PTPRR: variants seen among roughly 807,000 people sequenced by gnomAD.
PTPRR encodes receptor-type tyrosine-protein phosphatase R.
Under a neutral mutation model 77.2 loss-of-function variants are expected in PTPRR, and 38 were observed. That is an observed-to-expected ratio of 0.49 (90% CI 0.38 to 0.65). The LOEUF (loss-of-function observed/expected upper bound fraction) is 0.65. Among genes scored for constraint, PTPRR ranks in the 30% least tolerant of loss-of-function variants. The pLI is 0.00. For missense variants in PTPRR, 744 were observed against 799.2 expected, an observed-to-expected ratio of 0.93 and a Z score of 0.83; for synonymous variants, 299 against 283.1, an observed-to-expected ratio of 1.06 and a Z score of -0.57.
intron 2 of PTPRR, among the ~76,000 whole-genome samples, chr12:70,782,203 A>G (rs1387256450): frequency 6.6e-6 from 1 of 152,150 alleles, no homozygotes; most frequent in Non-Finnish European, 1.5e-5. Flanking sequence ...GCCTGAGCAC[A>G]GCTTAACAAA....
chr12:70,864,560 A>G (rs1391790221), intron 2 of PTPRR, among the ~76,000 whole-genome samples: 1 of 152,106 alleles, frequency 6.6e-6, no homozygotes, highest in Non-Finnish European at 1.5e-5. Flanking sequence ...TACCATCATC[A>G]CTATCAGAGT....
intron 2 of PTPRR, among the ~76,000 whole-genome samples, chr12:70,877,294 C>T (rs547396114): frequency 9.0e-4 from 137 of 152,266 alleles, no homozygotes; most frequent in African/African-American, 3.2e-3. Context: ...AAGCCCATTA[C>T]ACTTCTAAGA....
At position 70,684,718 on chromosome 12, in the gene PTPRR, C is replaced by T; in HGVS notation, c.1345G>A (p.Ala449Thr). ...TATTTACTTACCCTAATATAATTAG[C>T]ATTAATGTAGGTGCTCAATGAATCG... ...VTDSLSTYIN[A>T]NYIRGYSGKE... The change falls in exon 9 of 14, where the codon GCT (alanine) becomes ACT (threonine). Residue 449 changes from alanine (A) to threonine (T), a missense_variant. Physicochemically the swap from Ala to Thr is moderately conservative, Grantham distance 58 (BLOSUM62 0). Coordinates refer to ENST00000283228, the MANE Select transcript of PTPRR (RefSeq NM_002849.4). 6.3e-7 allele frequency: 1 copy of T among 1,595,302 alleles called. No homozygotes were observed. The highest frequency in any genetic ancestry group is 8.6e-7 in the Non-Finnish European group (1 of 1,165,570).
chr12:70,703,768 C>A (rs533294777), intron 6 of PTPRR, among the ~76,000 whole-genome samples: 2 of 152,270 alleles, frequency 1.3e-5, no homozygotes, highest in Admixed American at 6.5e-5. Flanking sequence ...CCATGCCATT[C>A]AGTCAAATTT....
At chr12:70,898,149 T>C (rs1216807482) in intron 1 of PTPRR, among the ~76,000 whole-genome samples, 1 of 138,272 alleles carries the variant, frequency 7.2e-6, no homozygotes, top group Non-Finnish European at 1.6e-5. Flanking sequence ...ACTTAAAGTA[T>C]AATAATAATA....
At position 70,895,419 on chromosome 12, in the gene PTPRR, A is replaced by C. The variant is rs141694467; in HGVS notation, c.59-2442T>G. Among the ~76,000 whole-genome samples, 778 of 151,628 alleles carry C rather than the reference A, an allele frequency of 5.1e-3. 6 individuals carry two copies. Among genetic ancestry groups the C allele is most frequent in the African/African-American group, 0.018 (745 of 41,466 alleles). Reference sequence around the variant, plus strand: ...CATGCTAAAATTGGCCTACCGAGAAAGGGACAAAATCTAAGTTGAAGCGCA... The same window carrying C: ...CATGCTAAAATTGGCCTACCGAGAACGGGACAAAATCTAAGTTGAAGCGCA... On this transcript the variant is annotated intron_variant, in intron 1 of 13. Coordinates refer to ENST00000283228, the MANE Select transcript of PTPRR (RefSeq NM_002849.4).
intron 8 of PTPRR, among the ~76,000 whole-genome samples, chr12:70,689,757 C>T (rs542680022): frequency 3.9e-5 from 6 of 152,258 alleles, no homozygotes; most frequent in African/African-American, 9.6e-5. Context: ...AAGCATGCTC[C>T]GTGCTGTCTG....
At chr12:70,827,219 C>T (rs149076413) in intron 2 of PTPRR, among the ~76,000 whole-genome samples, 1 of 152,208 alleles carries the variant, frequency 6.6e-6, no homozygotes, top group Non-Finnish European at 1.5e-5. Context: ...ATATAAGTTA[C>T]AGTGGGGCAG....
At chr12:70,753,396 A>G (rs1890464782) in intron 5 of PTPRR, among the ~76,000 whole-genome samples, 1 of 152,218 alleles carries the variant, frequency 6.6e-6, no homozygotes, top group Non-Finnish European at 1.5e-5. Flanking sequence ...TAAAAAGAAC[A>G]TAGCTCACAG....
At chr12:70,916,230 G>T (rs1313387498) in intron 1 of PTPRR, among the ~76,000 whole-genome samples, 1 of 152,058 alleles carries the variant, frequency 6.6e-6, no homozygotes, top group Non-Finnish European at 1.5e-5. Flanking sequence ...ATTATTGTGG[G>T]ATTAAGCTGT....
chr12:70,710,989 G>A (rs1047274486), intron 6 of PTPRR, among the ~76,000 whole-genome samples: 8 of 152,074 alleles, frequency 5.3e-5, no homozygotes, highest in Admixed American at 4.6e-4. Flanking sequence ...AAGACACGGT[G>A]GCAATTCCTT....
chr12:70,864,775 T>C (rs965681856), intron 2 of PTPRR, among the ~76,000 whole-genome samples: 5 of 152,272 alleles, frequency 3.3e-5, no homozygotes, highest in African/African-American at 4.8e-5. Flanking sequence ...ACTGTTCCCA[T>C]GGTAGTGAAT....
intron 7 of PTPRR, among the ~76,000 whole-genome samples, chr12:70,699,299 A>C (rs1888339326): frequency 6.6e-6 from 1 of 152,210 alleles, no homozygotes; most frequent in Non-Finnish European, 1.5e-5. Context: ...AATTTAACTT[A>C]ACAGTCTAAT....
intron 10 of PTPRR, among the ~76,000 whole-genome samples, chr12:70,676,844 G>A (rs975348431): frequency 2.1e-5 from 3 of 143,148 alleles, no homozygotes; most frequent in Non-Finnish European, 3.0e-5. Flanking sequence ...AAGTCAGGTA[G>A]TATGATGCCT....
At chr12:70,825,308 A>T (rs979727524) in intron 2 of PTPRR, among the ~76,000 whole-genome samples, 1 of 152,092 alleles carries the variant, frequency 6.6e-6, no homozygotes, top group Non-Finnish European at 1.5e-5. Context: ...ATAAAAAAAT[A>T]AATAAATGTT....
intron 2 of PTPRR, among the ~76,000 whole-genome samples, chr12:70,867,775 G>C (rs1255869365): frequency 6.6e-6 from 1 of 152,132 alleles, no homozygotes; most frequent in Admixed American, 6.6e-5. Flanking sequence ...CACGCTACCT[G>C]ACTTCAAACT....
At chr12:70,909,840 G>T (rs1158994488) in intron 1 of PTPRR, among the ~76,000 whole-genome samples, 4 of 152,206 alleles carry the variant, frequency 2.6e-5, no homozygotes, top group Non-Finnish European at 4.4e-5. Flanking sequence ...CAGAAGAAAG[G>T]TTGCCCGTGG....
intron 6 of PTPRR, among the ~76,000 whole-genome samples, chr12:70,739,150 A>G (rs1286364161): frequency 6.6e-6 from 1 of 152,226 alleles, no homozygotes; most frequent in African/African-American, 2.4e-5. Context: ...GTAGCAATTC[A>G]GTAGAAAATT....
chr12:70,825,764 A>G (rs919134341), intron 2 of PTPRR, among the ~76,000 whole-genome samples: 1 of 152,172 alleles, frequency 6.6e-6, no homozygotes, highest in Admixed American at 6.5e-5. Context: ...TGTCTTTACC[A>G]TCTTATATCG....
Sources: gnomAD v4.1 joint callset for allele counts (sites outside exome capture counted in the v4.1 genomes callset) on GRCh38, gnomAD v4.1.1 for gene constraint, MANE v1.5 for transcripts, NCBI Gene and HGNC (gene_info 2026-07-23, HGNC 2026-07-21) for gene names.